Variants in PRSS23 observed in about 807,000 individuals in gnomAD.
PRSS23 encodes the protein serine protease 23.
A neutral mutation model predicts 34.7 loss-of-function variants in PRSS23; 25 were observed. That is an observed-to-expected ratio of 0.72 (90% CI 0.53 to 1.01). The LOEUF (loss-of-function observed/expected upper bound fraction) is 1.01. PRSS23 is among the 50% of genes least tolerant of loss of function. The pLI is 0.00. For missense variants in PRSS23, 445 were observed against 475.6 expected (o/e 0.94, Z 0.60); for synonymous variants, 176 against 186.6 (o/e 0.94, Z 0.46).
At chr11:86,901,290 T>C (rs1256633268) in intron 2 of PRSS23, among the ~76,000 whole-genome samples, 5 of 152,166 alleles carry the variant, frequency 3.3e-5, no homozygotes, top group African/African-American at 1.2e-4. Flanking sequence ...ATCTACATTA[T>C]ATACCAAGAA....
At chr11:86,893,441 G>A (rs1012949153) in intron 2 of PRSS23, among the ~76,000 whole-genome samples, 2 of 152,066 alleles carry the variant, frequency 1.3e-5, no homozygotes, top group African/African-American at 4.8e-5. Context: ...ATTGATTTCC[G>A]ACCCACTTAT....
At chr11:86,906,884 G>T (rs1330785097) in intron 2 of PRSS23, among the ~76,000 whole-genome samples, 1 of 152,076 alleles carries the variant, frequency 6.6e-6, no homozygotes, top group Non-Finnish European at 1.5e-5. Flanking sequence ...ATTAAACAGT[G>T]CCTGAACAGC....
At chr11:86,921,574 A>ATCACC (rs1949047505) in intron 2 of PRSS23, 1 of 152,212 alleles carries the variant, frequency 6.6e-6, no homozygotes, top group Non-Finnish European at 1.5e-5. Context: ...GATACAAAGT[A>ATCACC]TCACCTTTTT....
rs1218274728 is a variant in PRSS23 at position 86,908,451 on chromosome 11, T to A, written c.207-42765T>A. On this transcript the variant is annotated intron_variant, in intron 2 of 2. Transcript: ENST00000533902. ...TCACAGTCTTCAGTCAGTTTACTCC[T>A]ACAGATTGATCCCAGGGAGGAACAG... Among the ~76,000 whole-genome samples, 3 of 152,224 alleles carry A rather than the reference T, an allele frequency of 2.0e-5. No homozygotes were observed. In the South Asian group the frequency reaches 6.2e-4, roughly 31 times the overall value.
intron 2 of PRSS23, among the ~76,000 whole-genome samples, chr11:86,925,890 T>G (rs974882943): frequency 5.3e-5 from 8 of 152,212 alleles, no homozygotes; most frequent in African/African-American, 1.9e-4. Flanking sequence ...CTGTTTGACC[T>G]TCAAGTAGAA....
chr11:86,862,494 C>T (rs886794239), intron 2 of PRSS23, among the ~76,000 whole-genome samples: 6 of 151,944 alleles, frequency 3.9e-5, no homozygotes, highest in Admixed American at 1.3e-4. Context: ...GGTGTACACT[C>T]TGTGATAATA....
At chr11:86,951,049 T>G in intron 2 of PRSS23, 4 of 1,351,742 alleles carry the variant, frequency 3.0e-6, no homozygotes, top group Non-Finnish European at 4.2e-6. Flanking sequence ...TTGTTCAAAC[T>G]GAGATTCACT....
intron 2 of PRSS23, among the ~76,000 whole-genome samples, chr11:86,885,013 A>G (rs1160376833): frequency 6.6e-6 from 1 of 152,306 alleles, no homozygotes; most frequent in Non-Finnish European, 1.5e-5. Flanking sequence ...TTATTTTATT[A>G]TATTGTGCTC....
At position 86,808,589 on chromosome 11, in the gene PRSS23, A is replaced by G. The variant is rs764104765; in HGVS notation, c.946A>G (p.Ser316Gly). ...GCAATGCGATGCCCAGCCAGGGGCC[A>G]GCGGGTCTGGGGTCTATGTGAGGAT... ...YQQCDAQPGA[S>G]GSGVYVRMWK... The change falls in exon 2 of 2, where the codon AGC (serine) becomes GGC (glycine). Residue 316 changes from serine (S) to glycine (G), a missense_variant. Transcript: ENST00000280258. 8.7e-6 allele frequency: 14 copies of G among 1,614,106 alleles called. No individual in the cohort carries two copies. Among genetic ancestry groups the G allele is most frequent in the African/African-American group, 1.3e-5 (1 of 74,936 alleles).
intron 2 of PRSS23, among the ~76,000 whole-genome samples, chr11:86,839,231 G>A (rs1488925553): frequency 6.6e-6 from 1 of 152,070 alleles, no homozygotes; most frequent in Non-Finnish European, 1.5e-5. Context: ...CAATCACAAG[G>A]AAGCTAAAAA....
chr11:86,949,239 G>A (rs762806341), intron 2 of PRSS23: 1 of 151,972 alleles, frequency 6.6e-6, no homozygotes, highest in African/African-American at 2.4e-5. Flanking sequence ...ATGTCAGAGA[G>A]CTCAAGAACC....
chr11:86,853,496 C>T (rs1444448071), intron 2 of PRSS23, among the ~76,000 whole-genome samples: 1 of 151,918 alleles, frequency 6.6e-6, no homozygotes, highest in Non-Finnish European at 1.5e-5. Flanking sequence ...CTCAGGTGAT[C>T]CTCCCACGTT....
intron 1 of PRSS23, among the ~76,000 whole-genome samples, chr11:86,819,766 AT>A (rs1948240084): frequency 6.6e-6 from 1 of 152,220 alleles, no homozygotes; most frequent in African/African-American, 2.4e-5. Flanking sequence ...ATTAAGATGA[AT>A]ACATTTTCAT....
chr11:86,833,798 C>G (rs1179160318), intron 2 of PRSS23, among the ~76,000 whole-genome samples: 1 of 152,150 alleles, frequency 6.6e-6, no homozygotes, highest in African/African-American at 2.4e-5. Context: ...TCCAGCTAGT[C>G]CTGTCTCTCA....
At chr11:86,904,651 C>T (rs527708181) in intron 2 of PRSS23, among the ~76,000 whole-genome samples, 2 of 152,202 alleles carry the variant, frequency 1.3e-5, no homozygotes, top group Admixed American at 6.5e-5. Flanking sequence ...CTCTGTAGGC[C>T]GGATAGCCTC....
At chr11:86,823,102 C>A (rs1030941385) in intron 1 of PRSS23, among the ~76,000 whole-genome samples, 2 of 152,166 alleles carry the variant, frequency 1.3e-5, no homozygotes, top group Admixed American at 1.3e-4. Context: ...GGGATGGGGG[C>A]AAGTTACTTT....
chr11:86,896,258 T>C (rs1948875298), intron 2 of PRSS23, among the ~76,000 whole-genome samples: 1 of 152,032 alleles, frequency 6.6e-6, no homozygotes, highest in Non-Finnish European at 1.5e-5. Context: ...CAAATACTGC[T>C]CATTCCTACC....
chr11:86,799,686 C>G (rs201333376), upstream of PRSS23, among the ~76,000 whole-genome samples: 7 of 151,812 alleles, frequency 4.6e-5, no homozygotes, highest in Admixed American at 3.3e-4. Flanking sequence ...TCCCCGCACA[C>G]CCCCCTACCC....
intron 2 of PRSS23, among the ~76,000 whole-genome samples, chr11:86,824,295 G>C (rs1317372168): frequency 7.4e-6 from 1 of 135,354 alleles, no homozygotes; most frequent in Admixed American, 7.4e-5. Context: ...CTGGGCAAAA[G>C]AGTGAGATCC....
Sources: gnomAD v4.1 joint callset for allele counts (sites outside exome capture counted in the v4.1 genomes callset) on GRCh38, gnomAD v4.1.1 for gene constraint, MANE v1.5 for transcripts, NCBI Gene and HGNC (gene_info 2026-07-23, HGNC 2026-07-21) for gene names.